Variants in DIP2C observed in about 807,000 individuals in gnomAD.
DIP2C encodes disco-interacting protein 2 homolog C.
Under a neutral mutation model 192.4 loss-of-function variants are expected in DIP2C, and 33 were observed. The ratio of observed to expected loss-of-function variants is 0.17; its 90% confidence interval spans 0.13 to 0.23. DIP2C has a LOEUF of 0.23. Among genes scored for constraint, DIP2C ranks in the 10% least tolerant of loss-of-function variants. The pLI is 1.00. For synonymous variants in DIP2C, 979 were observed against 864.1 expected (o/e 1.13, Z -2.33); for missense variants, 1,537 against 2,110.1 (o/e 0.73, Z 5.32).
intron 1 of DIP2C, among the ~76,000 whole-genome samples, chr10:592,931 T>C (rs1479897378): frequency 1.3e-5 from 2 of 152,118 alleles, no homozygotes; most frequent in Admixed American, 6.5e-5. Flanking sequence ...GCATTTTTGG[T>C]TTTTAAACAC....
chr10:366,600 A>G (rs768774377), intron 18 of DIP2C, among the ~76,000 whole-genome samples, 189 bp from the exon 19 acceptor site: 4 of 152,226 alleles, frequency 2.6e-5, no homozygotes, highest in Non-Finnish European at 4.4e-5. Flanking sequence ...TTGCAGCAAC[A>G]TGTCAAATTT....
intron 32 of DIP2C, 46 bp from the exon 33 acceptor site, chr10:288,467 G>T: frequency 6.2e-7 from 1 of 1,601,990 alleles, no homozygotes. Flanking sequence ...TTGCTGTCCA[G>T]TTTTCCCCTT....
chr10:482,003 C>T (rs1258529350), intron 2 of DIP2C, among the ~76,000 whole-genome samples: 1 of 152,216 alleles, frequency 6.6e-6, no homozygotes, highest in Non-Finnish European at 1.5e-5. Flanking sequence ...AACCACCACC[C>T]AACTATGACA....
At chr10:580,393 T>C (rs541236108) in intron 1 of DIP2C, among the ~76,000 whole-genome samples, 5 of 152,308 alleles carry the variant, frequency 3.3e-5, no homozygotes, top group South Asian at 4.1e-4. Context: ...AGTACACAAA[T>C]GTGCAAATAC....
chr10:348,845 G>A (rs1958649418), intron 25 of DIP2C, 83 bp from the exon 26 acceptor site: 1 of 1,563,782 alleles, frequency 6.4e-7, no homozygotes, highest in Non-Finnish European at 8.6e-7. Context: ...ATGCTTGTCT[G>A]GGGCAAGTTC....
At chr10:383,987 C>A in intron 16 of DIP2C, 40 bp downstream of exon 16, 2 of 1,448,406 alleles carry the variant, frequency 1.4e-6, no homozygotes, top group Non-Finnish European at 9.0e-7. Flanking sequence ...AAAGACTCCA[C>A]AGCCCGCCTG....
chr10:475,715 TG>T (rs1971005165), intron 2 of DIP2C, among the ~76,000 whole-genome samples: 1 of 152,224 alleles, frequency 6.6e-6, no homozygotes, highest in South Asian at 2.1e-4. Context: ...GAAACGAGTA[TG>T]AATGTACATG....
At chr10:478,610 A>ATAGCAACGTCTCTATGGCT (rs1483913197) in intron 2 of DIP2C, among the ~76,000 whole-genome samples, 1 of 150,754 alleles carries the variant, frequency 6.6e-6, no homozygotes. Flanking sequence ...GGGGCTGCAG[A>ATAGCAACGTCTCTATGGCT]CACATCCAAA....
At chr10:682,179 G>A (rs532939080) in intron 1 of DIP2C, among the ~76,000 whole-genome samples, 15 of 152,364 alleles carry the variant, frequency 9.8e-5, no homozygotes, top group Middle Eastern at 3.4e-3. Context: ...ACAAAGGCCA[G>A]GGCTTCTTCC....
intron 31 of DIP2C, among the ~76,000 whole-genome samples, chr10:319,407 TTA>T (rs1217556487): frequency 5.3e-5 from 8 of 152,228 alleles, no homozygotes; most frequent in Admixed American, 3.9e-4. Flanking sequence ...AAGTTTCTGT[TTA>T]TGTTTTTTTC....
At chr10:381,867 C>G (rs1398374712) in intron 17 of DIP2C, among the ~76,000 whole-genome samples, 1 of 152,182 alleles carries the variant, frequency 6.6e-6, no homozygotes, top group Non-Finnish European at 1.5e-5. Context: ...AGCCCCACAC[C>G]ACACCTCCTC....
intron 1 of DIP2C, among the ~76,000 whole-genome samples, chr10:546,851 T>A (rs1293402207): frequency 2.6e-5 from 4 of 152,160 alleles, no homozygotes; most frequent in Non-Finnish European, 5.9e-5. Context: ...GACACAAGAT[T>A]TGTATATTTT....
intron 1 of DIP2C, among the ~76,000 whole-genome samples, chr10:560,664 G>C (rs1372326320): frequency 2.6e-5 from 4 of 152,044 alleles, no homozygotes; most frequent in African/African-American, 9.7e-5. Flanking sequence ...TTACCACACG[G>C]GCTATCATCC....
intron 1 of DIP2C, among the ~76,000 whole-genome samples, chr10:533,594 A>T (rs1478124564): frequency 6.6e-6 from 1 of 150,980 alleles, no homozygotes; most frequent in Non-Finnish European, 1.5e-5. Flanking sequence ...GGGAAAAGGT[A>T]GGGAACAGCT....
intron 26 of DIP2C, among the ~76,000 whole-genome samples, chr10:345,621 C>T (rs1370860022): frequency 7.7e-6 from 1 of 129,152 alleles, no homozygotes; most frequent in Non-Finnish European, 1.6e-5. Context: ...TCACCCAACC[C>T]AGACACATCG....
chr10:300,856 T>G (rs1167918204), intron 32 of DIP2C, among the ~76,000 whole-genome samples: 1 of 152,114 alleles, frequency 6.6e-6, no homozygotes, highest in African/African-American at 2.4e-5. Flanking sequence ...GCCCTGAGCG[T>G]GTGGAGAAAC....
intron 34 of DIP2C, among the ~76,000 whole-genome samples, chr10:285,389 C>T (rs564178336): frequency 1.3e-5 from 2 of 152,172 alleles, no homozygotes; most frequent in Non-Finnish European, 2.9e-5. Flanking sequence ...AAGGGGGGCG[C>T]CTCATGGGAC....
chr10:308,911 C>T (rs944105754), intron 32 of DIP2C, among the ~76,000 whole-genome samples: 8 of 152,222 alleles, frequency 5.3e-5, no homozygotes, highest in African/African-American at 1.9e-4. Flanking sequence ...TGTTGGGACA[C>T]CCCTGGTCTC....
At chr10:650,702 C>G in intron 1 of DIP2C, 1 of 623,654 alleles carries the variant, frequency 1.6e-6, no homozygotes, top group Non-Finnish European at 2.9e-6. Flanking sequence ...GCCCAGATGG[C>G]TTCTGGCCAG....
Sources: gnomAD v4.1 joint callset for allele counts (sites outside exome capture counted in the v4.1 genomes callset) on GRCh38, gnomAD v4.1.1 for gene constraint, MANE v1.5 for transcripts, NCBI Gene and HGNC (gene_info 2026-07-23, HGNC 2026-07-21) for gene names.